Variants in DISC1 observed in about 807,000 individuals in gnomAD.
DISC1 encodes the protein DISC1 scaffold protein.
In DISC1, 57 loss-of-function variants were observed where a neutral mutation model predicts 84.5. That is an observed-to-expected ratio of 0.67 (90% CI 0.55 to 0.84). The LOEUF (loss-of-function observed/expected upper bound fraction) is 0.84. Among genes scored for constraint, DISC1 ranks in the 40% least tolerant of loss-of-function variants. DISC1 has a pLI of 0.00. For missense variants in DISC1, 1,000 were observed against 1,057.8 expected (o/e 0.95, Z 0.76); for synonymous variants, 411 against 415.2 (o/e 0.99, Z 0.12).
chr1:231,651,778 C>T (rs888092397), intron 1 of DISC1, among the ~76,000 whole-genome samples: 1 of 152,212 alleles, frequency 6.6e-6, no homozygotes, highest in South Asian at 2.1e-4. Context: ...TGTTTACCTA[C>T]TCAAGCCTCA....
At chr1:231,866,430 T>A in intron 9 of DISC1, 3 of 700,036 alleles carry the variant, frequency 4.3e-6, no homozygotes, top group Non-Finnish European at 8.0e-6. Flanking sequence ...TTAAAAAAAA[T>A]AACATCAATG....
intron 6 of DISC1, among the ~76,000 whole-genome samples, chr1:231,794,749 G>T (rs1190399641): frequency 6.7e-6 from 1 of 150,216 alleles, no homozygotes; most frequent in Non-Finnish European, 1.5e-5. Context: ...GGCTAAGGGG[G>T]TGCTATCTCA....
At chr1:231,776,795 T>C (rs1201585628) in intron 6 of DISC1, among the ~76,000 whole-genome samples, 1 of 152,172 alleles carries the variant, frequency 6.6e-6, no homozygotes, top group African/African-American at 2.4e-5. Context: ...ACATATCTTA[T>C]TAGAGTGAGG....
chr1:231,627,612 T>C (rs1572262799), intron 1 of DISC1, among the ~76,000 whole-genome samples: 1 of 152,262 alleles, frequency 6.6e-6, no homozygotes, highest in Admixed American at 6.5e-5. Flanking sequence ...TTGTGGATGG[T>C]TGTTTTTCAA....
Position 231,630,682 on chromosome 1 carries a change from C to A in DISC1, c.67+3748C>A, listed in dbSNP as rs2125082893. Among the ~76,000 whole-genome samples, 1 of 152,226 alleles carries A rather than the reference C, an allele frequency of 6.6e-6. No homozygotes were observed. On this transcript the variant is annotated intron_variant, in intron 1 of 12. Coordinates refer to ENST00000439617, the MANE Select transcript of DISC1 (RefSeq NM_018662.3). This position sits in a 1 kb window ranked among gnomAD's most constrained non-coding sequence, Gnocchi z 4.4. ...TCGAGGAGTCTTCCGTTGTTAGTTCCTAACTTTAATGACTTTGTGGTAAAA... is the reference window on the plus strand; with the variant it reads ...TCGAGGAGTCTTCCGTTGTTAGTTCATAACTTTAATGACTTTGTGGTAAAA...
At chr1:231,936,220 T>G (rs994955237) in intron 9 of DISC1, among the ~76,000 whole-genome samples, 2 of 152,188 alleles carry the variant, frequency 1.3e-5, no homozygotes, top group Non-Finnish European at 1.5e-5. Flanking sequence ...GGCCTTGACC[T>G]TGGACATTCG....
At chr1:231,832,715 T>A (rs1211271038) in intron 9 of DISC1, among the ~76,000 whole-genome samples, 6 of 146,400 alleles carry the variant, frequency 4.1e-5, no homozygotes, top group Non-Finnish European at 7.5e-5. Flanking sequence ...AATAATGGGC[T>A]GTGGAGGGAG....
intron 3 of DISC1, among the ~76,000 whole-genome samples, chr1:231,740,535 G>A (rs1261133022): frequency 6.6e-6 from 1 of 152,186 alleles, no homozygotes; most frequent in Non-Finnish European, 1.5e-5. Context: ...AATACCAGGG[G>A]CAGAGGTTTG....
chr1:232,005,405 G>T lies in DISC1; in HGVS notation c.2043-3380G>T, dbSNP rs1396237393. On this transcript the variant is annotated intron_variant, in intron 10 of 12. Transcript: ENST00000439617. ...TTGTCTCCTAGCTTTCACCACTTCT[G>T]TCATCCATATTTTTGTTCCTTTGAA... 2.6e-5 allele frequency among the ~76,000 whole-genome samples: 4 copies of T among 152,168 alleles called. 1 individual carries two copies. The highest frequency in any genetic ancestry group is 3.9e-4 in the East Asian group (2 of 5,172).
intron 3 of DISC1, among the ~76,000 whole-genome samples, chr1:231,724,897 G>A (rs1192569872): frequency 6.6e-6 from 1 of 152,220 alleles, no homozygotes; most frequent in Non-Finnish European, 1.5e-5. Flanking sequence ...GAAAAGGCCA[G>A]TTCCCATTTA....
chr1:231,659,115 T>A (rs1317642011), intron 1 of DISC1, among the ~76,000 whole-genome samples: 1 of 152,080 alleles, frequency 6.6e-6, no homozygotes, highest in East Asian at 1.9e-4. Flanking sequence ...GTTCCTGGGC[T>A]TTTTTTGGTT....
intron 5 of DISC1, 26 bp from the exon 6 acceptor site, chr1:231,770,809 A>T: frequency 6.2e-7 from 1 of 1,608,984 alleles, no homozygotes; most frequent in Middle Eastern, 1.7e-4. Context: ...TTAATTTATA[A>T]AATCTTGTCT....
At chr1:231,950,755 G>C (rs929078955) in intron 9 of DISC1, among the ~76,000 whole-genome samples, 3 of 152,094 alleles carry the variant, frequency 2.0e-5, no homozygotes, top group Admixed American at 6.5e-5. Flanking sequence ...AGGTAAAATC[G>C]GTACCTGGGC....
chr1:231,642,247 C>T (rs930486915), intron 1 of DISC1, among the ~76,000 whole-genome samples: 1 of 152,224 alleles, frequency 6.6e-6, no homozygotes, highest in Non-Finnish European at 1.5e-5. Flanking sequence ...CGCTGGCCCG[C>T]AAGCACCGCG....
intron 3 of DISC1, among the ~76,000 whole-genome samples, chr1:231,729,340 C>T (rs2071206111): frequency 6.6e-6 from 1 of 152,134 alleles, no homozygotes; most frequent in Non-Finnish European, 1.5e-5. Flanking sequence ...GTTTTATAAT[C>T]CTTTGGGTAT....
chr1:231,759,072 T>C (rs2075398153), intron 4 of DISC1, among the ~76,000 whole-genome samples: 1 of 152,236 alleles, frequency 6.6e-6, no homozygotes. Flanking sequence ...CCAGTTTGCC[T>C]GTCCACATAT....
At chr1:231,901,036 A>G (rs925548060) in intron 9 of DISC1, among the ~76,000 whole-genome samples, 1 of 152,156 alleles carries the variant, frequency 6.6e-6, no homozygotes, top group Non-Finnish European at 1.5e-5. Context: ...CTTTGCTTTA[A>G]GTCTCTAGTG....
chr1:231,731,967 A>G (rs2071577537), intron 3 of DISC1, among the ~76,000 whole-genome samples: 1 of 152,160 alleles, frequency 6.6e-6, no homozygotes, highest in Non-Finnish European at 1.5e-5. Flanking sequence ...AGAGGTTCTG[A>G]CTTGTTCAAC....
At chr1:231,818,567 T>C (rs368980950) in intron 9 of DISC1, 50 bp downstream of exon 9, 5 of 1,610,038 alleles carry the variant, frequency 3.1e-6, no homozygotes, top group Non-Finnish European at 4.2e-6. Flanking sequence ...ATATTTGTTG[T>C]GTTTTGTGGC....
Sources: allele counts gnomAD v4.1 joint callset (sites outside exome capture counted in the v4.1 genomes callset), GRCh38; gene constraint gnomAD v4.1.1; non-coding constraint Gnocchi (gnomAD v3.1); transcripts MANE v1.5; gene names NCBI Gene and HGNC (gene_info 2026-07-23, HGNC 2026-07-21).